PCDH15: variants seen among roughly 807,000 people sequenced by gnomAD.
PCDH15 encodes the protein protocadherin related 15.
Under a neutral mutation model 178.5 loss-of-function variants are expected in PCDH15, and 129 were observed. The ratio of observed to expected loss-of-function variants is 0.72; its 90% CI spans 0.63 to 0.84. The LOEUF (loss-of-function observed/expected upper bound fraction) is 0.84. Among genes scored for constraint, PCDH15 ranks in the 40% least tolerant of loss-of-function variants. The pLI is 0.00. For missense variants in PCDH15, 2,230 were observed against 2,099.9 expected (o/e 1.06, Z -1.21); for synonymous variants, 800 against 732.0 (o/e 1.09, Z -1.50).
chr10:54,525,453 C>G (rs564118444), intron 3 of PCDH15, among the ~76,000 whole-genome samples: 1 of 152,086 alleles, frequency 6.6e-6, no homozygotes, highest in Admixed American at 6.6e-5. Context: ...ATAAGTATTT[C>G]TTTTCTTTCT....
intron 3 of PCDH15, among the ~76,000 whole-genome samples, chr10:54,823,403 T>TA (rs1165997254): frequency 1.3e-5 from 2 of 152,154 alleles, no homozygotes; most frequent in Non-Finnish European, 2.9e-5. Flanking sequence ...AAGAAAGACT[T>TA]ACAGTTGTTA....
chr10:55,134,950 CT>C (rs1401483028), intron 2 of PCDH15, among the ~76,000 whole-genome samples: 1 of 152,082 alleles, frequency 6.6e-6, no homozygotes, highest in Non-Finnish European at 1.5e-5. Context: ...CTTCAGAAAA[CT>C]TAATAAAAAT....
intron 1 of PCDH15, among the ~76,000 whole-genome samples, chr10:55,227,094 T>C (rs1841069083): frequency 6.6e-6 from 1 of 151,792 alleles, no homozygotes; most frequent in African/African-American, 2.4e-5. Flanking sequence ...CATGAAAAAA[T>C]AAGATATATG....
chr10:55,214,654 T>G (rs1400175670), intron 1 of PCDH15, among the ~76,000 whole-genome samples: 1 of 152,010 alleles, frequency 6.6e-6, no homozygotes, highest in African/African-American at 2.4e-5. Flanking sequence ...TTTTATTTGT[T>G]TTTTAAGAGA....
chr10:54,570,684 C>T (rs769784578), intron 2 of PCDH15, among the ~76,000 whole-genome samples: 2 of 152,002 alleles, frequency 1.3e-5, no homozygotes, highest in Admixed American at 6.6e-5. Flanking sequence ...GATGGAGTCT[C>T]TCTCTGTTGC....
At chr10:54,488,200 T>C (rs2079267724) in intron 3 of PCDH15, among the ~76,000 whole-genome samples, 1 of 151,954 alleles carries the variant, frequency 6.6e-6, no homozygotes, top group Non-Finnish European at 1.5e-5. Flanking sequence ...TTTAAAACTA[T>C]GTTTTCAATC....
intron 3 of PCDH15, among the ~76,000 whole-genome samples, chr10:54,841,838 T>C (rs1591735029): frequency 2.6e-5 from 4 of 151,982 alleles, no homozygotes. Context: ...TTTGTCATTT[T>C]AAACAGATAG....
At chr10:55,609,013 T>TACACAC (rs1173892476) in intron 2 of PCDH15, among the ~76,000 whole-genome samples, 56 of 146,698 alleles carry the variant, frequency 3.8e-4, no homozygotes, top group African/African-American at 1.2e-3. Flanking sequence ...GTTATATATA[T>TACACAC]ATACACACAC....
At chr10:54,546,891 T>A (rs889008566) in intron 2 of PCDH15, among the ~76,000 whole-genome samples, 2 of 152,186 alleles carry the variant, frequency 1.3e-5, no homozygotes, top group Admixed American at 1.3e-4. Flanking sequence ...GATGGTGATA[T>A]GACAGAGAGA....
chr10:55,301,445 T>TG (rs912228520), intron 1 of PCDH15, among the ~76,000 whole-genome samples: 70 of 152,010 alleles, frequency 4.6e-4, no homozygotes, highest in Admixed American at 1.8e-3. Flanking sequence ...ATTTTCTAAT[T>TG]GTTTTTTTTT....
At chr10:55,275,080 G>T (rs1842553298) in intron 1 of PCDH15, among the ~76,000 whole-genome samples, 1 of 151,922 alleles carries the variant, frequency 6.6e-6, no homozygotes, top group South Asian at 2.1e-4. Context: ...AATTACTGGT[G>T]TTTTTCAAAC....
chr10:55,042,711 T>C (rs1465802596), intron 2 of PCDH15, among the ~76,000 whole-genome samples: 14 of 152,164 alleles, frequency 9.2e-5, no homozygotes, highest in Admixed American at 7.9e-4. Context: ...AGTGAATTTA[T>C]GCACAGGCAC....
At chr10:54,384,597 T>C (rs1019713290) in intron 3 of PCDH15, among the ~76,000 whole-genome samples, 7 of 152,272 alleles carry the variant, frequency 4.6e-5, no homozygotes, top group African/African-American at 1.7e-4. Flanking sequence ...TTGAAGAGTT[T>C]GTATTAAATT....
intron 3 of PCDH15, among the ~76,000 whole-genome samples, chr10:54,434,616 A>G (rs553641771): frequency 2.0e-5 from 3 of 152,300 alleles, no homozygotes; most frequent in African/African-American, 7.2e-5. Flanking sequence ...GTAAGTAAGT[A>G]CAGCCAATCA....
chr10:54,998,607 A>T, intron 2 of PCDH15, among the ~76,000 whole-genome samples: 1 of 152,306 alleles, frequency 6.6e-6, no homozygotes, highest in African/African-American at 2.4e-5. Flanking sequence ...CTTAGTGTTT[A>T]TGAAGGTAAA....
chr10:55,312,621 G>A (rs1293329308), intron 1 of PCDH15, among the ~76,000 whole-genome samples: 1 of 145,276 alleles, frequency 6.9e-6, no homozygotes, highest in African/African-American at 2.5e-5. Context: ...AAGTAATAGA[G>A]TTTTTTTTTT....
At chr10:53,980,069 A>C (rs1447469579) in intron 21 of PCDH15, among the ~76,000 whole-genome samples, 1 of 151,694 alleles carries the variant, frequency 6.6e-6, no homozygotes, top group Non-Finnish European at 1.5e-5. Flanking sequence ...AAATACAAAA[A>C]AATTAGTCTG....
chr10:55,051,266 T>C (rs1406723321), intron 2 of PCDH15, among the ~76,000 whole-genome samples: 1 of 152,090 alleles, frequency 6.6e-6, no homozygotes, highest in Non-Finnish European at 1.5e-5. Context: ...GCAAGTAATA[T>C]CAAGTGGAAA....
At position 54,827,186 on chromosome 10, in the gene PCDH15, C is replaced by G. The variant is rs553662159; in HGVS notation, c.-29+70264G>C. Reference sequence around the variant, plus strand: ...CTCTAACAGGACAGTGATGTCAACACTAGCAATGACATTGATATGTCTCAA... The same window carrying G: ...CTCTAACAGGACAGTGATGTCAACAGTAGCAATGACATTGATATGTCTCAA... On this transcript the variant is annotated intron_variant, in intron 3 of 5. Transcript: ENST00000458638. Among the ~76,000 whole-genome samples the G allele has an allele frequency of 2.6e-5, 4 of 152,222 alleles. 1 individual carries two copies. Among genetic ancestry groups the G allele is most frequent in the African/African-American group, 9.6e-5 (4 of 41,542 alleles).
Sources: gnomAD v4.1 joint callset for allele counts (sites outside exome capture counted in the v4.1 genomes callset) on GRCh38, gnomAD v4.1.1 for gene constraint, MANE v1.5 for transcripts, NCBI Gene and HGNC (gene_info 2026-07-23, HGNC 2026-07-21) for gene names.